Variants in SH3KBP1 observed in about 807,000 individuals in gnomAD.
The protein encoded by SH3KBP1 is SH3 domain-containing kinase-binding protein 1.
A neutral mutation model predicts 50.1 loss-of-function variants in SH3KBP1; 8 were observed. That is an observed-to-expected ratio of 0.16 (90% CI 0.09 to 0.29). SH3KBP1 has a LOEUF of 0.29. SH3KBP1 is among the 10% of genes least tolerant of loss of function. SH3KBP1 has a pLI of 1.00. For missense variants in SH3KBP1, 377 were observed against 535.2 expected (o/e 0.70, Z 2.92); for synonymous variants, 227 against 218.6 (o/e 1.04, Z -0.34).
At chrX:19,788,820 TA>T (rs1322495997) in intron 2 of SH3KBP1, among the ~76,000 whole-genome samples, 1 of 111,543 alleles carries the variant, frequency 9.0e-6, no homozygotes, top group South Asian at 3.7e-4. Context: ...AAAGGAAAGT[TA>T]AAAAAATAAA....
At chrX:19,776,552 T>C (rs1158421842) in intron 2 of SH3KBP1, among the ~76,000 whole-genome samples, 1 of 87,578 alleles carries the variant, frequency 1.1e-5, no homozygotes, top group Non-Finnish European at 2.2e-5. Context: ...TTTTTTTTTT[T>C]TTTTTTTTAG....
At chrX:19,566,610 T>C (rs1434916399) in intron 13 of SH3KBP1, among the ~76,000 whole-genome samples, 1 of 111,419 alleles carries the variant, frequency 9.0e-6, no homozygotes, top group Non-Finnish European at 1.9e-5. Flanking sequence ...AACCGGAACT[T>C]AGGCTCATTC....
chrX:19,870,738 A>G lies in SH3KBP1; in HGVS notation c.4+16569T>C, dbSNP rs759558900. On this transcript the variant is annotated intron_variant, in intron 1 of 17. Transcript: ENST00000397821. ...AGAACTGATTTTATTGTGTAGCACC[A>G]CATGAGAAGGCCTCAGAGAGAACTG... Among the ~76,000 whole-genome samples, 8 of 111,463 alleles carry G rather than the reference A, an allele frequency of 7.2e-5. No individual in the cohort carries two copies. The East Asian group carries it at 2.3e-3, about 31-fold the overall frequency.
At position 19,588,675 on chromosome X, in the gene SH3KBP1, C is replaced by A; in HGVS notation, c.1266G>T (p.Pro422=). 8.3e-7 allele frequency: 1 copy of A among 1,208,190 alleles called. No homozygotes were observed. Among genetic ancestry groups the A allele is most frequent in the Non-Finnish European group, 1.1e-6 (1 of 894,287 alleles). The change falls in exon 12 of 18, where the codon CCG becomes CCT. Residue 422 remains proline (P), a synonymous_variant. Coordinates refer to ENST00000397821, the MANE Select transcript of SH3KBP1 (RefSeq NM_031892.3). ...GTGTCAGCGGACCCACCGGTCTCTC[C>A]GGCCTTCTCGGGGGCAGTGCGCCAG... ...SRPGALPPRR[P]ERPVGPLTHT... is the part of the protein sequence containing the mutation.
chrX:19,647,881 G>A (rs1208661015), intron 6 of SH3KBP1, among the ~76,000 whole-genome samples: 1 of 111,110 alleles, frequency 9.0e-6, no homozygotes, highest in Admixed American at 9.6e-5. Context: ...GTTCCCAGCA[G>A]TCTCTAGGAA....
chrX:19,563,933 C>T (rs913892173), intron 13 of SH3KBP1, among the ~76,000 whole-genome samples: 1 of 111,124 alleles, frequency 9.0e-6, no homozygotes, highest in Non-Finnish European at 1.9e-5. Flanking sequence ...TTCACACACA[C>T]GCTCAGCCAG....
At chrX:19,542,753 C>G (rs1199505543) in intron 15 of SH3KBP1, among the ~76,000 whole-genome samples, 1 of 112,064 alleles carries the variant, frequency 8.9e-6, no homozygotes, top group Non-Finnish European at 1.9e-5. Flanking sequence ...GAGAAAGAAG[C>G]TGCAGCGGGA....
At chrX:19,814,205 G>C (rs746412407) in intron 2 of SH3KBP1, among the ~76,000 whole-genome samples, 1 of 110,981 alleles carries the variant, frequency 9.0e-6, no homozygotes, top group East Asian at 2.8e-4. Flanking sequence ...TGTACTTACA[G>C]AAATATCCAG....
At chrX:19,694,327 A>C (rs1004486356) in intron 5 of SH3KBP1, among the ~76,000 whole-genome samples, 4 of 111,577 alleles carry the variant, frequency 3.6e-5, no homozygotes, top group East Asian at 2.8e-4. Flanking sequence ...CGGATTTTGA[A>C]AGCAATAGTA....
chrX:19,583,844 T>TA (rs2066460537), intron 12 of SH3KBP1, among the ~76,000 whole-genome samples: 2 of 102,578 alleles, frequency 1.9e-5, no homozygotes, highest in East Asian at 5.8e-4. Context: ...ATATATTTAT[T>TA]AACACATATG....
chrX:19,567,832 T>C (rs1356929533), intron 13 of SH3KBP1, among the ~76,000 whole-genome samples: 2 of 109,827 alleles, frequency 1.8e-5, no homozygotes, highest in South Asian at 3.8e-4. Flanking sequence ...CTATATTATG[T>C]AGAATACGAG....
Position 19,588,760 on chromosome X carries a change from G to A in SH3KBP1, c.1181C>T (p.Ser394Phe), listed in dbSNP as rs1183782307. ...REPKLDLQKP[S>F]VPAIPPKKPR... ...CTTTTTTGGCGGTATGGCAGGAACG[G>A]AGGGCTTCTGTAAATCCAGTTTTGG... Residue 394 changes from serine to phenylalanine, a missense_variant, in exon 12 of 18, where the codon TCC (serine) becomes TTC (phenylalanine). Transcript: ENST00000397821. The A allele has an allele frequency of 8.5e-7, 1 of 1,182,150 alleles. No homozygotes were observed.
At chrX:19,596,527 A>G (rs1466697734) in intron 9 of SH3KBP1, among the ~76,000 whole-genome samples, 1 of 111,664 alleles carries the variant, frequency 9.0e-6, no homozygotes. Flanking sequence ...TAGGACAACA[A>G]TGAAGTTTGC....
chrX:19,745,411 TC>T (rs1387510606), intron 3 of SH3KBP1, among the ~76,000 whole-genome samples: 2 of 112,338 alleles, frequency 1.8e-5, no homozygotes, highest in African/African-American at 6.5e-5. Context: ...CAAATTCTTA[TC>T]CTGTCTAAAT....
chrX:19,846,406 C>T (rs1282053996), intron 1 of SH3KBP1, among the ~76,000 whole-genome samples: 1 of 112,493 alleles, frequency 8.9e-6, no homozygotes, highest in East Asian at 2.8e-4. Flanking sequence ...CACTTAAAGA[C>T]ATAACCTTTT....
intron 16 of SH3KBP1, 89 bp from the exon 17 acceptor site, chrX:19,537,869 T>C (rs749818093): frequency 1.5e-4 from 107 of 729,341 alleles, no homozygotes; most frequent in Non-Finnish European, 2.2e-4. Flanking sequence ...ACAAAATCCA[T>C]CTGATCCTTT....
chrX:19,693,483 C>A (rs1408326936), intron 5 of SH3KBP1, among the ~76,000 whole-genome samples: 1 of 111,650 alleles, frequency 9.0e-6, no homozygotes, highest in Non-Finnish European at 1.9e-5. Context: ...TGTTAGGGGA[C>A]CATGCCTCTC....
chrX:19,873,893 A>T (rs1274427874), intron 1 of SH3KBP1, among the ~76,000 whole-genome samples: 2 of 102,887 alleles, frequency 1.9e-5, no homozygotes, highest in Non-Finnish European at 3.9e-5. Flanking sequence ...TGCTAAAAAT[A>T]CAAAAATTAG....
chrX:19,678,126 C>G (rs921539182), intron 6 of SH3KBP1, among the ~76,000 whole-genome samples: 3 of 111,741 alleles, frequency 2.7e-5, no homozygotes, highest in Non-Finnish European at 5.6e-5. Context: ...GCCTCTCACA[C>G]TAATCTATAC....
Sources: gnomAD v4.1 joint callset for allele counts (sites outside exome capture counted in the v4.1 genomes callset) on GRCh38, gnomAD v4.1.1 for gene constraint, MANE v1.5 for transcripts, NCBI Gene and HGNC (gene_info 2026-07-23, HGNC 2026-07-21) for gene names.